ADA: variants seen among roughly 807,000 people sequenced by gnomAD.
ADA encodes adenosine deaminase, also known as adenosine aminohydrolase.
In ADA, 45 loss-of-function variants were observed where a neutral mutation model predicts 49.0. That is an observed-to-expected ratio of 0.92 (90% CI 0.72 to 1.18). The LOEUF (loss-of-function observed/expected upper bound fraction) is 1.18, where lower values mean the gene tolerates loss of function less well. ADA is among the 50% of genes most tolerant of loss of function. The pLI is 0.00. For synonymous variants in ADA, 173 were observed against 184.2 expected (o/e 0.94, Z 0.49); for missense variants, 445 against 472.5 (o/e 0.94, Z 0.54).
intron 1 of ADA, among the ~76,000 whole-genome samples, chr20:44,647,475 T>C (rs2065603287): frequency 6.6e-6 from 1 of 151,780 alleles, no homozygotes; most frequent in African/African-American, 2.4e-5. Flanking sequence ...TCCCAGCCTG[T>C]ACCTGTTCAC....
intron 10 of ADA, 113 bp from the exon 11 acceptor site, chr20:44,620,514 G>T: frequency 1.1e-6 from 1 of 908,866 alleles, no homozygotes; most frequent in East Asian, 2.5e-5. Context: ...ACGCTTAGAG[G>T]GGGAAGGATT....
chr20:44,626,364 G>A (rs1406305241), intron 4 of ADA, 92 bp downstream of exon 4: 6 of 1,581,244 alleles, frequency 3.8e-6, no homozygotes, highest in Non-Finnish European at 5.2e-6. Context: ...TCTTGCTTGG[G>A]TCAGGGATTC....
At position 44,636,274 on chromosome 20, in the gene ADA, G is replaced by T; in HGVS notation, c.48C>A (p.Val16=). Residue 16 remains valine, a synonymous_variant, in exon 2 of 12, where the codon GTC becomes GTA. Coordinates refer to ENST00000372874, the MANE Select transcript of ADA (RefSeq NM_000022.4). ...AFDKPKVELH[V]HLDGSIKPET... ...CAGGCTTGATGGATCCGTCTAGGTGGACATGCAGTTCCACCTGCAAGGGGG... is the reference window on the plus strand; with the variant it reads ...CAGGCTTGATGGATCCGTCTAGGTGTACATGCAGTTCCACCTGCAAGGGGG... 1 of 1,608,780 alleles carries T rather than the reference G, an allele frequency of 6.2e-7. No homozygotes were observed. The highest frequency in any genetic ancestry group is 1.3e-5 in the African/African-American group (1 of 74,962).
intron 1 of ADA, among the ~76,000 whole-genome samples, chr20:44,636,965 C>A (rs866232570): frequency 6.6e-6 from 1 of 152,012 alleles, no homozygotes; most frequent in South Asian, 2.1e-4. Context: ...GCCACCACGC[C>A]CAGTTAATTT....
chr20:44,631,322 G>A (rs542709948), intron 2 of ADA, among the ~76,000 whole-genome samples: 139 of 152,224 alleles, frequency 9.1e-4, no homozygotes, highest in Non-Finnish European at 1.6e-3. Context: ...GCCTGCAGGG[G>A]AACGGTGCCC....
At chr20:44,650,286 G>C (rs1416561723) in intron 1 of ADA, among the ~76,000 whole-genome samples, 1 of 152,140 alleles carries the variant, frequency 6.6e-6, no homozygotes. Context: ...TCAGTAGTGG[G>C]GGCCAGGCCT....
At position 44,621,066 on chromosome 20, in the gene ADA, C is replaced by T. The variant is rs139871719; in HGVS notation, c.927G>A (p.Gln309=). 341 of 1,614,184 alleles carry T rather than the reference C, an allele frequency of 2.1e-4. 5 individuals are homozygous for T. The East Asian group carries it at 6.6e-3, about 31-fold the overall frequency. Residue 309 remains glutamine (Q), a synonymous_variant, in exon 10 of 12, where the codon CAG becomes CAA. Coordinates refer to ENST00000372874, the MANE Select transcript of ADA (RefSeq NM_000022.4). ...TAAAGCCCATGTCCCGTTTGGTCAT[C>T]TGGTAATCAGTGTCCAGGGTGGACT... ...IFKSTLDTDY[Q]MTKRDMGFTE...
In ADA at chr20:44,619,723, AACTG is replaced by A. The variant is rs2123504988; in HGVS notation, c.*107_*110del. 1.4e-6 allele frequency: 2 copies of A among 1,416,456 alleles called. No individual in the cohort carries two copies. The highest frequency in any genetic ancestry group is 2.3e-5 in the South Asian group (2 of 86,368). The allele number at this position is 1,416,456 out of a possible 1,614,324, so 87.7% of individuals were successfully genotyped here. ...ACACATAGGGTTCAGGAGCATCAGT[AACTG>A]ACTATTGAGATCATGGTCTTCTTGG... On this transcript the variant is annotated 3_prime_UTR_variant, in exon 12 of 12. Transcript: ENST00000372874.
chr20:44,649,470 C>T (rs1402567717), intron 1 of ADA, among the ~76,000 whole-genome samples: 2 of 152,040 alleles, frequency 1.3e-5, no homozygotes, highest in African/African-American at 4.8e-5. Context: ...GGACTCAGGA[C>T]ACGGGACACC....
At chr20:44,646,457 A>AGGAGGAG (rs3831639) in intron 1 of ADA, among the ~76,000 whole-genome samples, 78,650 of 150,600 alleles carry the variant, frequency 0.52, 21,394 homozygotes, top group East Asian at 0.67. Flanking sequence ...GAAGACAAAA[A>AGGAGGAG]GGAGGAGGGA....
chr20:44,648,613 C>A (rs1393781701), intron 1 of ADA, among the ~76,000 whole-genome samples: 1 of 152,062 alleles, frequency 6.6e-6, no homozygotes, highest in Non-Finnish European at 1.5e-5. Flanking sequence ...ACTGGACTCT[C>A]TTCCCTGTGT....
At chr20:44,622,691 G>C (rs767679026) in intron 8 of ADA, 39 bp from the exon 9 acceptor site, 1 of 1,613,920 alleles carries the variant, frequency 6.2e-7, no homozygotes, top group Non-Finnish European at 8.5e-7. Flanking sequence ...GATGGCCCCA[G>C]GCCATGCTGA....
chr20:44,627,273 C>T (rs534831845), intron 3 of ADA, among the ~76,000 whole-genome samples: 1 of 152,204 alleles, frequency 6.6e-6, no homozygotes, highest in East Asian at 1.9e-4. Flanking sequence ...CCTCTGCCTC[C>T]TGGGTTCAAG....
rs555094300 is a variant in ADA, at chr20:44,642,954, T to C, written c.34-6666A>G. ...TGCCCACCATGACCAGTAGCACTCA[T>C]CCCTTCTCACGGCTGCCTGAGAAGA... On this transcript the variant is annotated intron_variant, in intron 1 of 11. Transcript: ENST00000372874. Among the ~76,000 whole-genome samples, 39 of 152,104 alleles carry C rather than the reference T, an allele frequency of 2.6e-4. 2 individuals carry two copies. In the South Asian group the frequency reaches 7.9e-3, roughly 31 times the overall value.
At chr20:44,633,660 T>C (rs2065453759) in intron 2 of ADA, among the ~76,000 whole-genome samples, 1 of 152,130 alleles carries the variant, frequency 6.6e-6, no homozygotes, top group African/African-American at 2.4e-5. Context: ...GGAGGGGCAG[T>C]GGTGGCCCAG....
At chr20:44,627,349 T>G (rs1342718706) in intron 3 of ADA, among the ~76,000 whole-genome samples, 1 of 151,956 alleles carries the variant, frequency 6.6e-6, no homozygotes, top group Non-Finnish European at 1.5e-5. Flanking sequence ...GCCCGGCTAA[T>G]TTTTTGTATT....
chr20:44,646,579 T>A lies in ADA; in HGVS notation c.33+4996A>T, dbSNP rs1413536699. On this transcript the variant is annotated intron_variant, in intron 1 of 11. Transcript: ENST00000372874. ...GCCTGCTGTTACCAGCCAGGCACTG[T>A]ACAAAAACCAATCAGCATGTCAGTT... Among the ~76,000 whole-genome samples the A allele has an allele frequency of 2.0e-5, 3 of 152,026 alleles. No homozygotes were observed. The East Asian group carries it at 5.8e-4, about 29-fold the overall frequency.
chr20:44,627,376 T>C (rs1006533469), intron 3 of ADA, among the ~76,000 whole-genome samples: 1 of 152,070 alleles, frequency 6.6e-6, no homozygotes, highest in Non-Finnish European at 1.5e-5. Flanking sequence ...AGAGACAGCG[T>C]TTCGCTGTGT....
intron 2 of ADA, among the ~76,000 whole-genome samples, chr20:44,630,002 C>CT (rs2065419256): frequency 6.6e-6 from 1 of 151,520 alleles, no homozygotes; most frequent in African/African-American, 2.4e-5. Context: ...AGTTTCCCCC[C>CT]CCTTTTTTTT....
Sources: gnomAD v4.1 joint callset for allele counts (sites outside exome capture counted in the v4.1 genomes callset) on GRCh38, gnomAD v4.1.1 for gene constraint, MANE v1.5 for transcripts, NCBI Gene and HGNC (gene_info 2026-07-23, HGNC 2026-07-21) for gene names.